The following BMPR1B variants were observed in gnomAD, a reference collection of about 807,000 sequenced individuals.
BMPR1B encodes the protein bone morphogenetic protein receptor type 1B.
Under a neutral mutation model 59.1 loss-of-function variants are expected in BMPR1B, and 12 were observed. The observed-to-expected ratio is 0.20, with a 90% CI of 0.13 to 0.33. BMPR1B has a LOEUF of 0.33. Among genes scored for constraint, BMPR1B ranks in the 10% least tolerant of loss-of-function variants. The pLI is 1.00. For missense variants in BMPR1B, 550 were observed against 610.9 expected (o/e 0.90, Z 1.05); for synonymous variants, 237 against 207.3 (o/e 1.14, Z -1.23).
chr4:94,763,423 G>T (rs1393004064), intron 1 of BMPR1B, among the ~76,000 whole-genome samples: 1 of 152,178 alleles, frequency 6.6e-6, no homozygotes, highest in Admixed American at 6.5e-5. Flanking sequence ...CTCCTTTAGA[G>T]GCCAGTAGTT....
At chr4:94,897,212 C>T (rs1249133133) in intron 2 of BMPR1B, among the ~76,000 whole-genome samples, 1 of 152,070 alleles carries the variant, frequency 6.6e-6, no homozygotes, top group African/African-American at 2.4e-5. Flanking sequence ...AATGACATGA[C>T]TTGGCTTCTG....
In BMPR1B at chr4:94,884,041, C is replaced by T. The variant is rs535419908; in HGVS notation, c.-113+8141C>T. 1.7e-4 allele frequency among the ~76,000 whole-genome samples: 26 copies of T among 152,272 alleles called. No homozygotes were observed. In the Middle Eastern group the frequency reaches 0.014, roughly 80 times the overall value. The stretch of plus-strand genomic sequence containing the variant: ...CTTTAAACTACTGTATAACTTACAG[C>T]CTGCTAAAAGAATATTTTTCTGACT... On this transcript the variant is annotated intron_variant, in intron 2 of 12. Transcript: ENST00000515059.
At chr4:94,962,144 C>CTTT (rs202147892) in intron 2 of BMPR1B, among the ~76,000 whole-genome samples, 2 of 83,666 alleles carry the variant, frequency 2.4e-5, no homozygotes, top group African/African-American at 5.6e-5. Flanking sequence ...TCCTTCCTTT[C>CTTT]TTTTTTCTTT....
chr4:95,112,055 A>G (rs1731665604), intron 4 of BMPR1B, among the ~76,000 whole-genome samples: 1 of 152,042 alleles, frequency 6.6e-6, no homozygotes, highest in African/African-American at 2.4e-5. Flanking sequence ...TCATTTTGCT[A>G]TCACTTTTCT....
chr4:94,835,166 A>G lies in BMPR1B; in HGVS notation c.-182-40665A>G, dbSNP rs116171132. On this transcript the variant is annotated intron_variant, in intron 1 of 12. Coordinates refer to ENST00000515059, the MANE Select transcript of BMPR1B (RefSeq NM_001203.3). ...CCAAAGAATAGTGTGGGTTATCTTT[A>G]CAGCAATTTAAAATAAATTAATATT... 4.7e-3 allele frequency among the ~76,000 whole-genome samples: 714 copies of G among 152,168 alleles called. 4 individuals are homozygous for G. Among genetic ancestry groups the G allele is most frequent in the African/African-American group, 0.017 (689 of 41,546 alleles).
intron 1 of BMPR1B, among the ~76,000 whole-genome samples, chr4:94,837,476 C>A (rs1371604685): frequency 6.9e-6 from 1 of 144,246 alleles, no homozygotes; most frequent in African/African-American, 2.6e-5. Flanking sequence ...TCCTTCACAT[C>A]CCTTGGAAGT....
chr4:95,036,736 G>A (rs1725274399), intron 3 of BMPR1B, among the ~76,000 whole-genome samples: 1 of 139,702 alleles, frequency 7.2e-6, no homozygotes, highest in Non-Finnish European at 1.5e-5. Flanking sequence ...TATTTACCTA[G>A]TAGTGAGATT....
At chr4:94,971,704 A>G (rs1434412021) in intron 2 of BMPR1B, among the ~76,000 whole-genome samples, 1 of 151,910 alleles carries the variant, frequency 6.6e-6, no homozygotes, top group Admixed American at 6.6e-5. Context: ...TAGTATCTTC[A>G]TCTATAAATT....
At chr4:94,965,761 A>C (rs1056337398) in intron 2 of BMPR1B, among the ~76,000 whole-genome samples, 1 of 151,842 alleles carries the variant, frequency 6.6e-6, no homozygotes, top group African/African-American at 2.4e-5. Flanking sequence ...CTGAAAGAGT[A>C]AATTGTGTGT....
At chr4:95,026,513 G>A (rs1237655536) in intron 3 of BMPR1B, among the ~76,000 whole-genome samples, 6 of 151,502 alleles carry the variant, frequency 4.0e-5, no homozygotes, top group East Asian at 1.9e-4. Context: ...TTTAATATTC[G>A]TTTAATTTTT....
intron 3 of BMPR1B, among the ~76,000 whole-genome samples, chr4:95,050,076 A>G (rs2149186395): frequency 6.6e-6 from 1 of 152,224 alleles, no homozygotes; most frequent in African/African-American, 2.4e-5. Flanking sequence ...CCAAATTGGC[A>G]GTGGAACCAT....
chr4:95,135,907 G>A (rs144486879), intron 10 of BMPR1B, among the ~76,000 whole-genome samples: 1 of 152,274 alleles, frequency 6.6e-6, no homozygotes, highest in South Asian at 2.1e-4. Context: ...ATGTCGAATA[G>A]GAGTGCTGAG....
chr4:95,120,302 C>T (rs1456277745), intron 6 of BMPR1B, among the ~76,000 whole-genome samples: 2 of 152,174 alleles, frequency 1.3e-5, no homozygotes, highest in African/African-American at 4.8e-5. Context: ...TGTGTCTTTG[C>T]TATTGTGAAT....
chr4:95,147,658 T>C (rs72672729), intron 10 of BMPR1B, among the ~76,000 whole-genome samples: 8,308 of 152,306 alleles, frequency 0.055, 315 homozygotes, highest in Middle Eastern at 0.088. Flanking sequence ...TTTCTGTACC[T>C]TTTTGGTTTT....
intron 3 of BMPR1B, among the ~76,000 whole-genome samples, chr4:95,074,487 C>G (rs1267094763): frequency 6.6e-6 from 1 of 152,068 alleles, no homozygotes; most frequent in African/African-American, 2.4e-5. Context: ...AACGAATCCT[C>G]ACTCCCGATG....
intron 3 of BMPR1B, among the ~76,000 whole-genome samples, chr4:95,083,224 CA>C (rs1262680596): frequency 6.6e-6 from 1 of 151,942 alleles, no homozygotes; most frequent in Non-Finnish European, 1.5e-5. Context: ...TCCTATTAAG[CA>C]TTCTTTTTTA....
At chr4:94,780,253 C>T (rs186402954) in intron 1 of BMPR1B, among the ~76,000 whole-genome samples, 52 of 152,098 alleles carry the variant, frequency 3.4e-4, no homozygotes, top group Middle Eastern at 6.8e-3. Context: ...TTAGACATTC[C>T]GTAAAATGGA....
intron 3 of BMPR1B, among the ~76,000 whole-genome samples, chr4:95,016,391 A>G (rs930462386): frequency 1.3e-5 from 2 of 152,218 alleles, no homozygotes; most frequent in East Asian, 3.9e-4. Flanking sequence ...TGAGAGATTC[A>G]TTCAAAGTAG....
chr4:94,986,698 T>G (rs981633633), intron 2 of BMPR1B, among the ~76,000 whole-genome samples: 2 of 150,672 alleles, frequency 1.3e-5, no homozygotes, highest in Non-Finnish European at 2.9e-5. Flanking sequence ...AAAGATTAGT[T>G]TGTTTTATTT....
Sources: allele counts gnomAD v4.1 joint callset (sites outside exome capture counted in the v4.1 genomes callset), GRCh38; gene constraint gnomAD v4.1.1; transcripts MANE v1.5; gene names NCBI Gene and HGNC (gene_info 2026-07-23, HGNC 2026-07-21).